TEX14: variants seen among roughly 807,000 people sequenced by gnomAD.
TEX14 encodes the protein testis expressed 14, intercellular bridge forming factor.
TEX14 carries 168 observed loss-of-function variants against 178.6 expected under a neutral mutation model. The ratio of observed to expected loss-of-function variants is 0.94; its 90% confidence interval spans 0.83 to 1.07. The LOEUF is 1.07. Among genes scored for constraint, TEX14 ranks in the 50% least tolerant of loss-of-function variants. TEX14 has a pLI of 0.00. For synonymous variants in TEX14, 626 were observed against 634.1 expected, an observed-to-expected ratio of 0.99 and a Z score of 0.19; for missense variants, 1,730 against 1,753.6, an observed-to-expected ratio of 0.99 and a Z score of 0.24.
chr17:58,679,487 G>GCAAAGATACAACGTA (rs2047456837), intron 1 of TEX14: 1 of 152,156 alleles, frequency 6.6e-6, no homozygotes, highest in Non-Finnish European at 1.5e-5. Context: ...AACCTACGAA[G>GCAAAGATACAACGTA]CAAAGATACA....
chr17:58,631,633 A>AAC (rs2046298687), intron 2 of TEX14: 2 of 151,840 alleles, frequency 1.3e-5, no homozygotes, highest in African/African-American at 4.8e-5. Flanking sequence ...AAAAAAAAAA[A>AAC]ACCCAGAACT....
At chr17:58,621,841 G>C (rs996110533) in intron 4 of TEX14, 55 bp from the exon 5 acceptor site, 11 of 1,546,910 alleles carry the variant, frequency 7.1e-6, no homozygotes, top group Admixed American at 3.7e-5. Flanking sequence ...CAATGGAATG[G>C]AAGCTTGGGT....
At chr17:58,662,018 C>T (rs1167166589) in intron 1 of TEX14, among the ~76,000 whole-genome samples, 1 of 151,962 alleles carries the variant, frequency 6.6e-6, no homozygotes, top group Non-Finnish European at 1.5e-5. Flanking sequence ...CAGTTCCTGC[C>T]ACACAGGGAA....
rs2047327960 is a variant in TEX14, at chr17:58,672,988, T to G, written c.-2+18951A>C. 2.0e-5 allele frequency among the ~76,000 whole-genome samples: 3 copies of G among 151,052 alleles called. No homozygotes were observed. In the South Asian group the frequency reaches 6.4e-4, roughly 32 times the overall value. ...CTCAAGTGATCTGCTAGCCTCGAAC[T>G]CCCAAAGTGCTGGGATTACAGGCAT... On this transcript the variant is annotated intron_variant, in intron 1 of 31. Coordinates refer to ENST00000349033, the MANE Select transcript of TEX14 (RefSeq NM_031272.5).
chr17:58,613,172 A>G (rs2045787200), intron 9 of TEX14, among the ~76,000 whole-genome samples: 2 of 152,046 alleles, frequency 1.3e-5, no homozygotes, highest in South Asian at 4.1e-4. Context: ...ACTGCACTCC[A>G]GCCTAGGCAA....
intron 15 of TEX14, among the ~76,000 whole-genome samples, chr17:58,592,216 G>GTTCGTTCT (rs2045162487): frequency 1.3e-5 from 2 of 149,900 alleles, no homozygotes; most frequent in South Asian, 4.2e-4. Context: ...TTTTACTTAA[G>GTTCGTTCT]TTCGTTCTTT....
chr17:58,674,869 G>C (rs534685367), intron 1 of TEX14, among the ~76,000 whole-genome samples: 6 of 151,334 alleles, frequency 4.0e-5, no homozygotes, highest in African/African-American at 1.5e-4. Context: ...GGTAGGCCGG[G>C]CACGGTGGCT....
intron 3 of TEX14, among the ~76,000 whole-genome samples, chr17:58,623,866 A>C (rs1277431749): frequency 6.6e-6 from 1 of 152,084 alleles, no homozygotes; most frequent in Non-Finnish European, 1.5e-5. Flanking sequence ...AAGGATGATG[A>C]AGAGAAGATA....
chr17:58,620,381 G>C (rs2045970266), intron 5 of TEX14, among the ~76,000 whole-genome samples: 1 of 152,152 alleles, frequency 6.6e-6, no homozygotes, highest in Non-Finnish European at 1.5e-5. Context: ...CCAGTTTGGA[G>C]TGCAGTTGCA....
chr17:58,604,871 T>C (rs2045567537), intron 11 of TEX14, 107 bp downstream of exon 11: 4 of 1,322,312 alleles, frequency 3.0e-6, no homozygotes, highest in Non-Finnish European at 4.2e-6. Context: ...AAGAAGTCTC[T>C]TTTTAATAAG....
rs56315337 is a variant in TEX14 at position 58,584,503 on chromosome 17, G to T, written c.3168C>A (p.Tyr1056Ter). The T allele has an allele frequency of 1.3e-5, 21 of 1,611,950 alleles. No homozygotes were observed. Among genetic ancestry groups the T allele is most frequent in the Non-Finnish European group, 1.8e-5 (21 of 1,178,094 alleles). The change falls in exon 19 of 32, where the codon TAC becomes TAA. Residue 1056 changes from tyrosine to a stop codon, truncating the protein, a stop_gained. Transcript: ENST00000349033. LOFTEE classifies it high-confidence loss of function. The part of the protein sequence containing the change: ...SDTLVAVEKS[Y>*]STSSPIEEDF... ...CTTTCCAGGCAGTATTACTTACACTGTAAGATTTCTCTACAGCCACCAATG... is the reference window on the plus strand; with the variant it reads ...CTTTCCAGGCAGTATTACTTACACTTTAAGATTTCTCTACAGCCACCAATG...
At chr17:58,644,643 T>A (rs2143174911) in intron 2 of TEX14, among the ~76,000 whole-genome samples, 1 of 132,556 alleles carries the variant, frequency 7.5e-6, no homozygotes, top group African/African-American at 2.9e-5. Flanking sequence ...CCTGGCTTTT[T>A]TTTTTTTTTT....
chr17:58,625,226 G>A (rs532770513), intron 3 of TEX14, among the ~76,000 whole-genome samples: 1 of 151,804 alleles, frequency 6.6e-6, no homozygotes, highest in East Asian at 1.9e-4. Flanking sequence ...TCTGCCTCTC[G>A]TGTTCAAGAG....
At chr17:58,565,623 A>G in intron 27 of TEX14, 124 bp downstream of exon 27, 1 of 652,508 alleles carries the variant, frequency 1.5e-6, no homozygotes, top group South Asian at 1.9e-5. Context: ...ACAAATAACT[A>G]TAAAGTCAGA....
In TEX14 at chr17:58,571,913, A is replaced by G. The variant is rs769612454; in HGVS notation, c.3717+8T>C. The G allele has an allele frequency of 2.0e-5, 32 of 1,612,462 alleles. 1 individual carries two copies. The South Asian group carries it at 3.5e-4, about 18-fold the overall frequency. The stretch of plus-strand genomic sequence containing the variant: ...CATGAGTTTGTAACGTGGAATTGAT[A>G]TACTTACAAGACCAGTCAGTCTTGA... On this transcript the variant is annotated splice_region_variant and intron_variant, in intron 24 of 31. Transcript: ENST00000349033.
Position 58,648,409 on chromosome 17 carries a change from T to G in TEX14, c.136+3457A>C, listed in dbSNP as rs138255902. On this transcript the variant is annotated intron_variant, in intron 2 of 31. Coordinates refer to ENST00000349033, the MANE Select transcript of TEX14 (RefSeq NM_031272.5). ...CCCCTTAGATGGCTCAGCTACCCAC[T>G]GTGGAGTCTACTTGTGCAAGTGTGA... is the stretch of plus-strand genomic sequence containing the variant. 3.4e-3 allele frequency among the ~76,000 whole-genome samples: 522 copies of G among 152,312 alleles called. 6 individuals are homozygous for G. Among genetic ancestry groups the G allele is most frequent in the African/African-American group, 0.012 (512 of 41,578 alleles).
chr17:58,563,038 A>T (rs1203987489), intron 28 of TEX14, among the ~76,000 whole-genome samples: 2 of 151,272 alleles, frequency 1.3e-5, no homozygotes, highest in Non-Finnish European at 2.9e-5. Context: ...GCCCTATTGC[A>T]CTCCAGCCTG....
chr17:58,649,850 C>T (rs185896410), intron 2 of TEX14, among the ~76,000 whole-genome samples: 1 of 152,190 alleles, frequency 6.6e-6, no homozygotes, highest in African/African-American at 2.4e-5. Flanking sequence ...AGTGATTCTC[C>T]TGCCTCGGCC....
chr17:58,577,313 T>G, intron 21 of TEX14, 62 bp downstream of exon 21: 1 of 658,590 alleles, frequency 1.5e-6, no homozygotes, highest in Non-Finnish European at 2.4e-6. Flanking sequence ...ACACGGAGCA[T>G]TATCACCATT....
Sources: allele counts gnomAD v4.1 joint callset (sites outside exome capture counted in the v4.1 genomes callset), GRCh38; gene constraint gnomAD v4.1.1; transcripts MANE v1.5; gene names NCBI Gene and HGNC (gene_info 2026-07-23, HGNC 2026-07-21).